The following SYN2 variants were observed in gnomAD, a reference collection of about 807,000 sequenced individuals.
The protein encoded by SYN2 is synapsin-2.
SYN2 carries 19 observed loss-of-function variants against 50.9 expected under a neutral mutation model. The observed-to-expected ratio is 0.37, with a 90% CI of 0.26 to 0.55. The LOEUF (loss-of-function observed/expected upper bound fraction) is 0.55. Among genes scored for constraint, SYN2 ranks in the 20% least tolerant of loss-of-function variants. The probability of loss-of-function intolerance (pLI) is 0.81; values close to 1 mark genes in which losing one functional copy is unlikely to be tolerated. For missense variants in SYN2, 587 were observed against 576.4 expected (o/e 1.02, Z -0.19); for synonymous variants, 255 against 224.9 (o/e 1.13, Z -1.20).
At chr3:12,154,453 T>C in intron 5 of SYN2, 1 of 1,613,942 alleles carries the variant, frequency 6.2e-7, no homozygotes, top group Non-Finnish European at 8.5e-7. Context: ...GGACCTGACC[T>C]TCAAGGGGAG....
At chr3:12,056,508 C>T (rs1694993334) in intron 1 of SYN2, among the ~76,000 whole-genome samples, 1 of 151,710 alleles carries the variant, frequency 6.6e-6, no homozygotes, top group Non-Finnish European at 1.5e-5. Context: ...GTTGTATGAA[C>T]AAGAGCAAGA....
At chr3:12,163,648 G>A (rs1697711690) in intron 7 of SYN2, among the ~76,000 whole-genome samples, 1 of 152,110 alleles carries the variant, frequency 6.6e-6, no homozygotes, top group African/African-American at 2.4e-5. Flanking sequence ...AAGTATTCAG[G>A]GAAGAACCTT....
intron 11 of SYN2, chr3:12,184,133 A>C (rs967923999): frequency 1.0e-6 from 1 of 985,810 alleles, no homozygotes; most frequent in Non-Finnish European, 1.2e-6. Flanking sequence ...AATACAAAGA[A>C]CAAGCTATTT....
intron 5 of SYN2, among the ~76,000 whole-genome samples, chr3:12,158,384 C>T (rs1054545345): frequency 6.6e-6 from 1 of 152,158 alleles, no homozygotes; most frequent in Non-Finnish European, 1.5e-5. Flanking sequence ...TGTCCCCAGT[C>T]TAGTAGTTCA....
intron 12 of SYN2, 120 bp downstream of exon 12, chr3:12,187,732 G>A (rs1445577118): frequency 3.0e-6 from 4 of 1,326,904 alleles, no homozygotes; most frequent in Non-Finnish European, 3.9e-6. Context: ...TTTTGTGATG[G>A]GATTTGGTTT....
At chr3:12,112,809 G>A (rs888447684) in intron 1 of SYN2, among the ~76,000 whole-genome samples, 27 of 152,028 alleles carry the variant, frequency 1.8e-4, no homozygotes, top group African/African-American at 6.5e-4. Flanking sequence ...ATCTTGCAGT[G>A]CACTTTTAAA....
chr3:12,070,201 C>T (rs915222493), intron 1 of SYN2: 65 of 380,262 alleles, frequency 1.7e-4, no homozygotes, highest in Admixed American at 2.1e-4. Flanking sequence ...ACTGCTCTGC[C>T]GCCCTGCTCC....
At chr3:12,121,206 T>C (rs1696550651) in intron 1 of SYN2, among the ~76,000 whole-genome samples, 1 of 152,202 alleles carries the variant, frequency 6.6e-6, no homozygotes, top group Non-Finnish European at 1.5e-5. Context: ...TGGGTTAAGT[T>C]CTTCTCATCC....
chr3:12,102,242 A>G lies in SYN2; in HGVS notation c.378-38409A>G, dbSNP rs1696093066. Among the ~76,000 whole-genome samples, 3 of 152,184 alleles carry G rather than the reference A, an allele frequency of 2.0e-5. No homozygotes were observed. In the South Asian group the frequency reaches 6.2e-4, roughly 31 times the overall value. ...ACCAGCAAGCCAAATACCCAGCCAC[A>G]GTTCCAAACCTGCTTAAAGCCTATC... is the stretch of plus-strand genomic sequence containing the variant. On this transcript the variant is annotated intron_variant, in intron 1 of 12. Coordinates refer to ENST00000621198, the MANE Select transcript of SYN2 (RefSeq NM_133625.6).
At chr3:12,176,551 T>C (rs1698072690) in intron 10 of SYN2, among the ~76,000 whole-genome samples, 3 of 152,194 alleles carry the variant, frequency 2.0e-5, no homozygotes, top group Non-Finnish European at 1.5e-5. Context: ...CATATACATT[T>C]GGTGTCCAGA....
intron 1 of SYN2, among the ~76,000 whole-genome samples, chr3:12,132,614 G>C (rs553585346): frequency 1.4e-4 from 21 of 152,234 alleles, no homozygotes; most frequent in Admixed American, 7.8e-4. Context: ...ACTAAAATCA[G>C]AGTCATTTCA....
rs566620337 is a variant in SYN2, at chr3:12,004,536, C to T, written c.-16C>T. On this transcript the variant is annotated 5_prime_UTR_variant, in exon 1 of 13. Coordinates refer to ENST00000621198, the MANE Select transcript of SYN2 (RefSeq NM_133625.6). Reference sequence around the variant, plus strand: ...CAGACCCCGTAGCCCCGCGCGCCCCCAGCCCTTTAAGCCAGATGATGAACT... The same window carrying T: ...CAGACCCCGTAGCCCCGCGCGCCCCTAGCCCTTTAAGCCAGATGATGAACT... 103 of 622,682 alleles carry T rather than the reference C, an allele frequency of 1.7e-4. 1 individual carries two copies. The highest frequency in any genetic ancestry group is 1.6e-3 in the South Asian group (90 of 57,408). The allele number at this position is 622,682 out of a possible 1,614,324, so 38.6% of individuals were successfully genotyped here. A position where few individuals can be genotyped will look rare whatever the true frequency, so the allele number is the denominator to read the frequency against.
rs186224649 is a variant in SYN2, at chr3:12,056,942, T to C, written c.377+52014T>C. 1.1e-4 allele frequency among the ~76,000 whole-genome samples: 16 copies of C among 152,354 alleles called. No homozygotes were observed. In the East Asian group the frequency reaches 3.1e-3, roughly 29 times the overall value. Reference sequence around the variant, plus strand: ...AATCTGTTATATAAAAGACTGGTTATATTACTTGTTCTAACAGAACAAAAA... The same window carrying C: ...AATCTGTTATATAAAAGACTGGTTACATTACTTGTTCTAACAGAACAAAAA... On this transcript the variant is annotated intron_variant, in intron 1 of 12. Coordinates refer to ENST00000621198, the MANE Select transcript of SYN2 (RefSeq NM_133625.6).
chr3:12,049,281 G>A (rs1200979493), intron 1 of SYN2, among the ~76,000 whole-genome samples: 2 of 152,098 alleles, frequency 1.3e-5, no homozygotes, highest in South Asian at 2.1e-4. Context: ...CACTTTGGGA[G>A]GCTGAGGCAG....
At chr3:12,128,482 C>T (rs1412944981) in intron 1 of SYN2, among the ~76,000 whole-genome samples, 3 of 152,178 alleles carry the variant, frequency 2.0e-5, no homozygotes, top group Non-Finnish European at 2.9e-5. Flanking sequence ...TTCCCTTCTT[C>T]AGGCTTCTGT....
intron 1 of SYN2, among the ~76,000 whole-genome samples, chr3:12,066,574 T>A (rs1378421668): frequency 6.6e-6 from 1 of 152,078 alleles, no homozygotes; most frequent in Non-Finnish European, 1.5e-5. Context: ...GGCTACTAAG[T>A]TTTTCAGCCC....
intron 9 of SYN2, 26 bp downstream of exon 9, chr3:12,168,504 G>GT: frequency 6.3e-7 from 1 of 1,592,790 alleles, no homozygotes; most frequent in South Asian, 1.1e-5. Flanking sequence ...GCAGTAAGAG[G>GT]TAACTCCTAA....
chr3:12,134,892 T>G (rs894146478), intron 1 of SYN2, among the ~76,000 whole-genome samples: 2 of 152,212 alleles, frequency 1.3e-5, no homozygotes, highest in Non-Finnish European at 2.9e-5. Flanking sequence ...TTTTGTAGAC[T>G]CTGCTTTCTG....
At chr3:12,078,763 C>T (rs1034910144) in intron 1 of SYN2, among the ~76,000 whole-genome samples, 1 of 152,216 alleles carries the variant, frequency 6.6e-6, no homozygotes, top group East Asian at 1.9e-4. Context: ...GTTCTTTTTG[C>T]TTAGGATTGT....
Sources: gnomAD v4.1 joint callset for allele counts (sites outside exome capture counted in the v4.1 genomes callset) on GRCh38, gnomAD v4.1.1 for gene constraint, MANE v1.5 for transcripts, NCBI Gene and HGNC (gene_info 2026-07-23, HGNC 2026-07-21) for gene names.